LINC00632: variants seen among roughly 807,000 people sequenced by gnomAD.
The protein encoded by LINC00632 is ALDOA related specific transcript.
At chrX:140,763,224 C>T (rs1210810603) in intron 3 of LINC00632, among the ~76,000 whole-genome samples, 1 of 110,283 alleles carries the variant, frequency 9.1e-6, no homozygotes, top group East Asian at 2.9e-4. Context: ...GGTGAAACCC[C>T]GTCTCTATTA....
chrX:140,759,410 G>A (rs773257369), intron 3 of LINC00632, among the ~76,000 whole-genome samples: 3 of 106,446 alleles, frequency 2.8e-5, no homozygotes, highest in East Asian at 5.9e-4. Context: ...AGGCTGGTGT[G>A]CAGTGGCTCA....
intron 3 of LINC00632, among the ~76,000 whole-genome samples, chrX:140,738,319 G>T (rs941909286): frequency 1.8e-5 from 2 of 112,112 alleles, no homozygotes; most frequent in Non-Finnish European, 3.8e-5. Context: ...AAGAATTTGT[G>T]TAACAGTAGC....
exon 5 of LINC00632, among the ~76,000 whole-genome samples, chrX:140,786,208 T>C (rs1330257198): frequency 8.9e-6 from 1 of 112,517 alleles, no homozygotes; most frequent in Admixed American, 9.5e-5. Flanking sequence ...CTTCTGAATG[T>C]CTAATGATTT....
At chrX:140,766,583 C>T (rs187323353) in intron 3 of LINC00632, among the ~76,000 whole-genome samples, 2 of 111,976 alleles carry the variant, frequency 1.8e-5, no homozygotes, top group African/African-American at 6.5e-5. Flanking sequence ...TTATATTACT[C>T]ATTTGGAAGA....
rs1016804960 is a variant in LINC00632, at chrX:140,774,449, A to C, written n.2468A>C. On this transcript the variant is annotated non_coding_transcript_exon_variant, in exon 5 of 5. Coordinates refer to ENST00000648200, the Ensembl canonical transcript of LINC00632. The stretch of plus-strand genomic sequence containing the variant: ...GCCATGTCATTCAAACCCGTTCTGC[A>C]AACAGGAAAACAGGAAGTAGAAACG... Among the ~76,000 whole-genome samples the C allele has an allele frequency of 2.7e-5, 3 of 111,713 alleles. No homozygotes were observed. In the East Asian group the frequency reaches 8.5e-4, roughly 32 times the overall value.
exon 5 of LINC00632, among the ~76,000 whole-genome samples, chrX:140,789,143 A>G (rs1932069735): frequency 9.2e-6 from 1 of 109,267 alleles, no homozygotes; most frequent in South Asian, 3.9e-4. Flanking sequence ...TTAGAAAATG[A>G]AAATACGTAA....
At chrX:140,774,168 A>T (rs1931843572) in exon 4 of LINC00632, among the ~76,000 whole-genome samples, 1 of 112,288 alleles carries the variant, frequency 8.9e-6, no homozygotes, top group Non-Finnish European at 1.9e-5. Flanking sequence ...AGATGTGATC[A>T]CATCAAAAGG....
intron 2 of LINC00632, chrX:140,712,092 TA>T (rs1488038998): frequency 1.8e-5 from 2 of 110,716 alleles, no homozygotes; most frequent in East Asian, 2.8e-4. Flanking sequence ...ATTTTCTCTT[TA>T]CCCAAGATGG....
intron 3 of LINC00632, among the ~76,000 whole-genome samples, chrX:140,746,595 C>T (rs949787265): frequency 2.3e-4 from 26 of 112,237 alleles, no homozygotes; most frequent in African/African-American, 7.8e-4. Flanking sequence ...AAGTAGCACA[C>T]ATCACAATGA....
chrX:140,780,254 G>A (rs182184053), exon 5 of LINC00632, among the ~76,000 whole-genome samples: 12 of 111,554 alleles, frequency 1.1e-4, no homozygotes, highest in South Asian at 3.8e-4. Context: ...GAGAGTTTGC[G>A]CCTATCTTTG....
chrX:140,775,229 G>A (rs1339264045), exon 5 of LINC00632, among the ~76,000 whole-genome samples: 1 of 111,727 alleles, frequency 9.0e-6, no homozygotes, highest in African/African-American at 3.3e-5. Context: ...TGATGGTGAT[G>A]GAGACTTCAT....
intron 2 of LINC00632, among the ~76,000 whole-genome samples, chrX:140,724,702 TAC>T (rs747665644): frequency 1.4e-4 from 4 of 27,903 alleles, no homozygotes; most frequent in African/African-American, 2.3e-4. Context: ...ACACATCCAG[TAC>T]ACACACACAC....
intron 3 of LINC00632, among the ~76,000 whole-genome samples, chrX:140,769,901 C>CT (rs763585325): frequency 1.8e-5 from 2 of 111,795 alleles, no homozygotes; most frequent in East Asian, 5.7e-4. Context: ...ACTTTCTGTA[C>CT]TATAAACATT....
chrX:140,768,582 TTA>T (rs1317689322), intron 3 of LINC00632, among the ~76,000 whole-genome samples: 1 of 98,248 alleles, frequency 1.0e-5, no homozygotes, highest in Non-Finnish European at 2.0e-5. Flanking sequence ...ATATACTATA[TTA>T]TATATTTATT....
intron 2 of LINC00632, chrX:140,713,537 G>A: frequency 2.9e-6 from 1 of 342,499 alleles, no homozygotes; most frequent in Non-Finnish European, 5.9e-6. Context: ...GGACTTGCCT[G>A]GAAGCAGACT....
chrX:140,731,160 C>G (rs1931049574), intron 2 of LINC00632, among the ~76,000 whole-genome samples: 1 of 112,094 alleles, frequency 8.9e-6, no homozygotes, highest in African/African-American at 3.2e-5. Flanking sequence ...CTTGGCCTCC[C>G]AAAGTGCTGG....
chrX:140,766,447 C>T (rs1375361522), intron 3 of LINC00632, among the ~76,000 whole-genome samples: 1 of 111,836 alleles, frequency 8.9e-6, no homozygotes, highest in Non-Finnish European at 1.9e-5. Context: ...ATAGCAAGAA[C>T]AAAAAATAAA....
intron 1 of LINC00632, chrX:140,711,540 A>G (rs1233182285): frequency 9.8e-5 from 24 of 243,806 alleles, no homozygotes; most frequent in Non-Finnish European, 1.1e-4. Context: ...TTATATGTGC[A>G]TTATTTTTGC....
At chrX:140,790,500 CATT>C (rs1485696464) in exon 5 of LINC00632, among the ~76,000 whole-genome samples, 3 of 110,960 alleles carry the variant, frequency 2.7e-5, no homozygotes, top group Non-Finnish European at 3.8e-5. Context: ...GCTTCCCCTA[CATT>C]ATTATTTTTT....
Sources: gnomAD v4.1 joint callset for allele counts (sites outside exome capture counted in the v4.1 genomes callset) on GRCh38, gnomAD v4.1.1 for gene constraint, MANE v1.5 for transcripts, NCBI Gene and HGNC (gene_info 2026-07-23, HGNC 2026-07-21) for gene names.